Variants in BCAS1 observed in about 807,000 individuals in gnomAD.
The protein encoded by BCAS1 is breast carcinoma-amplified sequence 1.
Under a neutral mutation model 65.4 loss-of-function variants are expected in BCAS1, and 46 were observed. The ratio of observed to expected loss-of-function variants is 0.70; its 90% CI spans 0.55 to 0.90. BCAS1 has a LOEUF of 0.90. BCAS1 is among the 40% of genes least tolerant of loss of function. The pLI is 0.00. For missense variants in BCAS1, 793 were observed against 771.2 expected, an observed-to-expected ratio of 1.03 and a Z score of -0.33; for synonymous variants, 298 against 293.5, an observed-to-expected ratio of 1.02 and a Z score of -0.16.
At chr20:54,047,613 C>T (rs2092133366) in intron 3 of BCAS1, among the ~76,000 whole-genome samples, 1 of 152,290 alleles carries the variant, frequency 6.6e-6, no homozygotes, top group Admixed American at 6.5e-5. Flanking sequence ...TCTGTTATTA[C>T]TTTAGACTCA....
intron 3 of BCAS1, among the ~76,000 whole-genome samples, chr20:54,045,210 C>CAAAAA (rs11086447): frequency 3.7e-5 from 5 of 136,146 alleles, no homozygotes; most frequent in South Asian, 2.3e-4. Flanking sequence ...GACCTCATCT[C>CAAAAA]AAAAAAAAAA....
chr20:53,954,319 G>C (rs1022948417), intron 11 of BCAS1, among the ~76,000 whole-genome samples: 5 of 151,936 alleles, frequency 3.3e-5, no homozygotes, highest in Admixed American at 1.3e-4. Flanking sequence ...GAGAGAGAGA[G>C]AGAGAGAGAG....
chr20:53,947,073 A>G (rs2089351193), intron 12 of BCAS1, among the ~76,000 whole-genome samples: 1 of 152,118 alleles, frequency 6.6e-6, no homozygotes, highest in African/African-American at 2.4e-5. Flanking sequence ...AGTGTAGTGT[A>G]ATTTCATGTA....
chr20:54,066,068 A>T (rs1052749274), intron 1 of BCAS1, among the ~76,000 whole-genome samples: 2 of 146,028 alleles, frequency 1.4e-5, no homozygotes, highest in Non-Finnish European at 3.0e-5. Flanking sequence ...TGAGGCAGGT[A>T]TTTTTTTTCT....
At chr20:54,051,767 T>A (rs1478637130) in intron 3 of BCAS1, among the ~76,000 whole-genome samples, 1 of 151,378 alleles carries the variant, frequency 6.6e-6, no homozygotes, top group Non-Finnish European at 1.5e-5. Context: ...AGATGAGGTC[T>A]CTGTCTGTCT....
chr20:54,051,129 G>A lies in BCAS1; in HGVS notation c.142+6956C>T, dbSNP rs6022932. 3.6e-3 allele frequency among the ~76,000 whole-genome samples: 552 copies of A among 152,268 alleles called. 2 individuals carry two copies. The highest frequency in any genetic ancestry group is 0.013 in the African/African-American group (522 of 41,544). ...TATTAATAGGGGTTGTGGCACCTCC[G>A]TGGTAATGTTTCACTAAATGGAACA... On this transcript the variant is annotated intron_variant, in intron 3 of 12. Coordinates refer to ENST00000688948, the MANE Select transcript of BCAS1 (RefSeq NM_001366298.2).
chr20:53,991,844 T>C (rs998249344), intron 7 of BCAS1, among the ~76,000 whole-genome samples: 5 of 152,230 alleles, frequency 3.3e-5, no homozygotes, highest in South Asian at 4.1e-4. Flanking sequence ...GAGAAGATTA[T>C]AGATTGTGCA....
At chr20:54,026,660 G>C (rs2097780135) in intron 4 of BCAS1, among the ~76,000 whole-genome samples, 1 of 152,138 alleles carries the variant, frequency 6.6e-6, no homozygotes, top group South Asian at 2.1e-4. Context: ...AATGGCCTTA[G>C]AAGCCTATGA....
At chr20:54,021,194 G>C (rs2146035327) in intron 4 of BCAS1, among the ~76,000 whole-genome samples, 1 of 152,126 alleles carries the variant, frequency 6.6e-6, no homozygotes, top group South Asian at 2.1e-4. Context: ...TTCACCAAAG[G>C]GCTCTGAGGA....
chr20:53,968,522 T>A (rs1487630274), intron 9 of BCAS1, among the ~76,000 whole-genome samples: 1 of 152,250 alleles, frequency 6.6e-6, no homozygotes, highest in African/African-American at 2.4e-5. Context: ...CCTTAGTCTC[T>A]GTATTGCCAT....
At chr20:53,978,348 T>A (rs554999779) in intron 8 of BCAS1, among the ~76,000 whole-genome samples, 1 of 152,242 alleles carries the variant, frequency 6.6e-6, no homozygotes, top group African/African-American at 2.4e-5. Context: ...AATATATTTT[T>A]ACTTAATATT....
chr20:54,058,641 C>T lies in BCAS1; in HGVS notation c.72+6G>A. ...GCTGATGCCCCTGTAATGGTTACTA[C>T]ACTACCTGGTAAGTCTCTGCTTCTG... On this transcript the variant is annotated splice_donor_region_variant and intron_variant, in intron 2 of 12. Transcript: ENST00000688948. 7.2e-7 allele frequency: 1 copy of T among 1,398,498 alleles called. No homozygotes were observed. The highest frequency in any genetic ancestry group is 1.8e-5 in the Admixed American group (1 of 54,590). The allele number at this position is 1,398,498 out of a possible 1,614,324, so 86.6% of individuals were successfully genotyped here. A position where few individuals can be genotyped will look rare whatever the true frequency, so the allele number is the denominator to read the frequency against.
At chr20:54,011,776 G>A (rs1044736035) in intron 4 of BCAS1, among the ~76,000 whole-genome samples, 7 of 152,124 alleles carry the variant, frequency 4.6e-5, no homozygotes, top group African/African-American at 1.2e-4. Flanking sequence ...GGGCTGAGAC[G>A]GGAAGATCAC....
In BCAS1 at chr20:54,066,832, A is replaced by G. The variant is rs544958564; in HGVS notation, c.-6+3601T>C. On this transcript the variant is annotated intron_variant, in intron 1 of 12. Coordinates refer to ENST00000688948, the MANE Select transcript of BCAS1 (RefSeq NM_001366298.2). ...TGGTTACCACAGCCCAAGCTGACTAATACAGATCATCTTCTAGTAAGTGGG... is the reference window on the plus strand; with the variant it reads ...TGGTTACCACAGCCCAAGCTGACTAGTACAGATCATCTTCTAGTAAGTGGG... Among the ~76,000 whole-genome samples the G allele has an allele frequency of 2.0e-5, 3 of 152,362 alleles. No homozygotes were observed. In the East Asian group the frequency reaches 5.8e-4, roughly 29 times the overall value.
chr20:53,971,104 G>A (rs370572987), intron 9 of BCAS1, among the ~76,000 whole-genome samples: 15 of 152,072 alleles, frequency 9.9e-5, no homozygotes, highest in Admixed American at 7.9e-4. Context: ...GACAGCATGC[G>A]GCAAATTGTA....
chr20:54,069,852 G>A (rs1347704327), intron 1 of BCAS1, among the ~76,000 whole-genome samples: 1 of 152,160 alleles, frequency 6.6e-6, no homozygotes, highest in African/African-American at 2.4e-5. Context: ...CATTCTAATC[G>A]CAATGACTCT....
At chr20:54,022,982 A>G (rs570521939) in intron 4 of BCAS1, among the ~76,000 whole-genome samples, 2 of 152,366 alleles carry the variant, frequency 1.3e-5, no homozygotes, top group African/African-American at 4.8e-5. Flanking sequence ...TGCATAATGT[A>G]AGATGGATTT....
intron 3 of BCAS1, among the ~76,000 whole-genome samples, chr20:54,045,313 C>T (rs2146238332): frequency 6.6e-6 from 1 of 151,870 alleles, no homozygotes; most frequent in Non-Finnish European, 1.5e-5. Flanking sequence ...AGCATAATGG[C>T]TGAATGAATT....
At chr20:53,971,521 C>T (rs758729767) in intron 9 of BCAS1, among the ~76,000 whole-genome samples, 2 of 152,342 alleles carry the variant, frequency 1.3e-5, no homozygotes, top group Non-Finnish European at 2.9e-5. Flanking sequence ...GCATTTCAGT[C>T]AGTGAAACAG....
Sources: allele counts gnomAD v4.1 joint callset (sites outside exome capture counted in the v4.1 genomes callset), GRCh38; gene constraint gnomAD v4.1.1; transcripts MANE v1.5; gene names NCBI Gene and HGNC (gene_info 2026-07-23, HGNC 2026-07-21).